PRKAA1: variants seen among roughly 807,000 people sequenced by gnomAD.
PRKAA1 encodes 5'-AMP-activated protein kinase catalytic subunit alpha-1.
A neutral mutation model predicts 56.9 loss-of-function variants in PRKAA1; 23 were observed. That is an observed-to-expected ratio of 0.40 (90% CI 0.29 to 0.57). PRKAA1 has a LOEUF of 0.57. Among genes scored for constraint, PRKAA1 ranks in the 20% least tolerant of loss-of-function variants. PRKAA1 has a pLI of 0.39. For synonymous variants in PRKAA1, 226 were observed against 227.0 expected (o/e 1.00, Z 0.04); for missense variants, 413 against 679.7 (o/e 0.61, Z 4.36).
intron 1 of PRKAA1, among the ~76,000 whole-genome samples, chr5:40,795,291 A>G (rs1458522813): frequency 6.6e-6 from 1 of 152,200 alleles, no homozygotes; most frequent in Non-Finnish European, 1.5e-5. Context: ...GATGCAATGT[A>G]TACTGCTCAG....
At chr5:40,784,172 C>T (rs554192970) in intron 1 of PRKAA1, among the ~76,000 whole-genome samples, 1 of 152,306 alleles carries the variant, frequency 6.6e-6, no homozygotes, top group South Asian at 2.1e-4. Context: ...CCTGTTCCCC[C>T]ATCTGTATCT....
At chr5:40,773,237 T>C (rs1743833137) in intron 3 of PRKAA1, among the ~76,000 whole-genome samples, 1 of 152,154 alleles carries the variant, frequency 6.6e-6, no homozygotes, top group Non-Finnish European at 1.5e-5. Flanking sequence ...ACTAATCCTT[T>C]AGCATTCTAA....
At position 40,761,009 on chromosome 5, in the gene PRKAA1, C is replaced by G; in HGVS notation, c.*1769G>C. On this transcript the variant is annotated 3_prime_UTR_variant, in exon 9 of 9. Transcript: ENST00000397128. ...CTTCATTTACATCTATTGTGTGATG[C>G]AATTAAGAATGACAAAAAAAAATAT... 1 of 151,768 alleles carries G rather than the reference C, an allele frequency of 6.6e-6. No homozygotes were observed. Among genetic ancestry groups the G allele is most frequent in the East Asian group, 1.9e-4 (1 of 5,328 alleles). The allele number at this position is 151,768 out of a possible 1,614,324, so 9.4% of individuals were successfully genotyped here.
chr5:40,765,758 A>AT (rs1486839420), intron 6 of PRKAA1, among the ~76,000 whole-genome samples: 2 of 66,030 alleles, frequency 3.0e-5, no homozygotes, highest in Non-Finnish European at 6.2e-5. Context: ...GGTTAAAAAA[A>AT]AAATCAAGGA....
At chr5:40,769,179 A>G (rs1310236860) in intron 5 of PRKAA1, among the ~76,000 whole-genome samples, 1 of 152,162 alleles carries the variant, frequency 6.6e-6, no homozygotes, top group Non-Finnish European at 1.5e-5. Context: ...TAAACACCCT[A>G]GTTTTAAACT....
At chr5:40,767,837 C>T in intron 5 of PRKAA1, 147 bp from the exon 6 acceptor site, 1 of 685,298 alleles carries the variant, frequency 1.5e-6, no homozygotes, top group East Asian at 2.8e-5. Context: ...ACGTTAATTC[C>T]ATCAGTATTA....
chr5:40,764,743 C>T lies in PRKAA1; in HGVS notation c.1308+9G>A, dbSNP rs751573159. Reference sequence around the variant, plus strand: ...TATGCTAATAATCAAAATGTTATTTCTTTCTTACCTTCCATTCATAATCCA... The same window carrying T: ...TATGCTAATAATCAAAATGTTATTTTTTTCTTACCTTCCATTCATAATCCA... On this transcript the variant is annotated intron_variant, in intron 7 of 8. Coordinates refer to ENST00000397128, the MANE Select transcript of PRKAA1 (RefSeq NM_006251.6). The T allele has an allele frequency of 1.2e-6, 2 of 1,605,676 alleles. No individual in the cohort carries two copies. The highest frequency in any genetic ancestry group is 1.7e-6 in the Non-Finnish European group (2 of 1,173,958).
At chr5:40,767,055 T>C (rs901407173) in intron 6 of PRKAA1, among the ~76,000 whole-genome samples, 2 of 151,830 alleles carry the variant, frequency 1.3e-5, no homozygotes, top group Non-Finnish European at 2.9e-5. Flanking sequence ...GATATACATA[T>C]ATATGGGGCC....
chr5:40,772,400 G>A (rs949963858), intron 3 of PRKAA1, among the ~76,000 whole-genome samples: 10 of 152,130 alleles, frequency 6.6e-5, no homozygotes, highest in African/African-American at 2.4e-4. Flanking sequence ...ATAGTGGGGT[G>A]AGGGACACTA....
intron 1 of PRKAA1, among the ~76,000 whole-genome samples, chr5:40,786,001 TCCC>T (rs1744465546): frequency 6.6e-6 from 1 of 152,094 alleles, no homozygotes; most frequent in Non-Finnish European, 1.5e-5. Flanking sequence ...ACGCCTGTAA[TCCC>T]AGCACTTTGG....
chr5:40,778,665 T>C (rs1345170151), intron 1 of PRKAA1, among the ~76,000 whole-genome samples: 1 of 152,064 alleles, frequency 6.6e-6, no homozygotes, highest in East Asian at 1.9e-4. Flanking sequence ...TCTCATGTCA[T>C]AGATACATTT....
intron 5 of PRKAA1, among the ~76,000 whole-genome samples, chr5:40,767,944 G>A (rs1248781121): frequency 6.6e-6 from 1 of 152,064 alleles, no homozygotes; most frequent in Non-Finnish European, 1.5e-5. Flanking sequence ...CTGACAATAG[G>A]GCCAAATCTT....
chr5:40,768,327 G>A (rs1029440301), intron 5 of PRKAA1: 1 of 639,260 alleles, frequency 1.6e-6, no homozygotes, highest in African/African-American at 2.0e-5. Flanking sequence ...AGAGCTTGAA[G>A]AAAGACTTTA....
rs199558235 is a variant in PRKAA1, at chr5:40,790,523, T to TTC, written c.127+7538_127+7539dup. ...TCATAGTCTATCAGGAGTCAACTCT[T>TTC]TCTTTTTTTTTTTTTTTGTTGTTGT... On this transcript the variant is annotated intron_variant, in intron 1 of 8. Transcript: ENST00000397128. 3.0e-4 allele frequency among the ~76,000 whole-genome samples: 20 copies of TTC among 67,796 alleles called. 3 individuals are homozygous for TTC. Among genetic ancestry groups the TTC allele is most frequent in the Non-Finnish European group, 4.3e-4 (13 of 30,454 alleles). The allele number at this position is 67,796 out of a possible 152,430, so 44.5% of individuals were successfully genotyped here.
At chr5:40,796,526 G>C (rs1744936186) in intron 1 of PRKAA1, among the ~76,000 whole-genome samples, 2 of 152,040 alleles carry the variant, frequency 1.3e-5, no homozygotes, top group South Asian at 4.1e-4. Flanking sequence ...CAAAGATAAA[G>C]TTAAAACTTC....
rs2111959704 is a variant in PRKAA1 at position 40,759,943 on chromosome 5, A to T, written c.*2835T>A. 1 of 152,818 alleles carries T rather than the reference A, an allele frequency of 6.5e-6. No homozygotes were observed. Among genetic ancestry groups the T allele is most frequent in the African/African-American group, 2.4e-5 (1 of 41,580 alleles). 9.5% of individuals were successfully genotyped at this position (152,818 alleles called of 1,614,324 possible). On this transcript the variant is annotated 3_prime_UTR_variant, in exon 9 of 9. Transcript: ENST00000397128. ...TCTCAGTGAGAAATCATTTATTTTA[A>T]TGGCAAAATTTTTACATATCAGTAA... is the stretch of plus-strand genomic sequence containing the variant.
At chr5:40,773,278 G>A (rs545749405) in intron 3 of PRKAA1, among the ~76,000 whole-genome samples, 1 of 151,526 alleles carries the variant, frequency 6.6e-6, no homozygotes, top group African/African-American at 2.4e-5. Context: ...TAGGTTCATG[G>A]GGAAAAAAAA....
intron 1 of PRKAA1, among the ~76,000 whole-genome samples, chr5:40,785,976 T>C (rs1579750519): frequency 6.6e-6 from 1 of 151,862 alleles, no homozygotes; most frequent in East Asian, 1.9e-4. Flanking sequence ...GAAAGAGGGC[T>C]GGGCACGGTG....
intron 6 of PRKAA1, 21 bp downstream of exon 6, chr5:40,767,445 A>C: frequency 6.4e-7 from 1 of 1,574,322 alleles, no homozygotes; most frequent in South Asian, 1.1e-5. Context: ...AGATCTGATA[A>C]CTTCCAAACT....
Sources: gnomAD v4.1 joint callset for allele counts (sites outside exome capture counted in the v4.1 genomes callset) on GRCh38, gnomAD v4.1.1 for gene constraint, MANE v1.5 for transcripts, NCBI Gene and HGNC (gene_info 2026-07-23, HGNC 2026-07-21) for gene names.